TRPM3: variants seen among roughly 807,000 people sequenced by gnomAD.
The protein encoded by TRPM3 is transient receptor potential cation channel subfamily M member 3, also known as long transient receptor potential channel 3.
In TRPM3, 77 loss-of-function variants were observed where a neutral mutation model predicts 181.2. The observed-to-expected ratio is 0.42, with a 90% CI of 0.35 to 0.51. The LOEUF is 0.51. Among genes scored for constraint, TRPM3 ranks in the 20% least tolerant of loss-of-function variants. The pLI is 0.01. For synonymous variants in TRPM3, 745 were observed against 796.4 expected (o/e 0.94, Z 1.09); for missense variants, 1,759 against 2,196.7 (o/e 0.80, Z 3.98).
Position 71,336,367 on chromosome 9 carries a change from A to G in TRPM3, c.183+110286T>C, listed in dbSNP as rs138552635. 9.6e-4 allele frequency among the ~76,000 whole-genome samples: 146 copies of G among 152,252 alleles called. 1 individual carries two copies. The highest frequency in any genetic ancestry group is 6.0e-3 in the South Asian group (29 of 4,824). ...CCCATTCACAATTGCTACAAACAGA[A>G]TAAAATACCTAGGAATCCAACTTAC... On this transcript the variant is annotated intron_variant, in intron 1 of 24. Transcript: ENST00000357533.
intron 8 of TRPM3, among the ~76,000 whole-genome samples, chr9:70,699,900 A>G (rs975826800): frequency 1.3e-5 from 2 of 152,154 alleles, no homozygotes; most frequent in Admixed American, 1.3e-4. Context: ...ACTTACAAGA[A>G]TAAAGGGCAG....
At chr9:71,026,694 C>G (rs746270272) in intron 1 of TRPM3, among the ~76,000 whole-genome samples, 8 of 152,160 alleles carry the variant, frequency 5.3e-5, no homozygotes, top group African/African-American at 9.6e-5. Context: ...GTGCTCTGCC[C>G]CTGTGCTGAC....
At chr9:71,386,451 A>AT (rs201969419) in intron 1 of TRPM3, among the ~76,000 whole-genome samples, 2 of 142,872 alleles carry the variant, frequency 1.4e-5, no homozygotes. Flanking sequence ...CTGTCTTTTG[A>AT]AAAAAAAAAA....
intron 6 of TRPM3, among the ~76,000 whole-genome samples, chr9:70,815,663 T>C (rs899780622): frequency 6.6e-6 from 1 of 152,232 alleles, no homozygotes; most frequent in Admixed American, 6.5e-5. Flanking sequence ...CCTATAAGGA[T>C]TTTAATATTT....
chr9:70,822,256 C>G (rs751559516), intron 6 of TRPM3, among the ~76,000 whole-genome samples: 12 of 152,182 alleles, frequency 7.9e-5, no homozygotes, highest in Non-Finnish European at 1.5e-4. Flanking sequence ...TACAAATTCC[C>G]TAGAGACTAG....
At chr9:71,239,666 T>C (rs191172842) in intron 1 of TRPM3, among the ~76,000 whole-genome samples, 24 of 152,214 alleles carry the variant, frequency 1.6e-4, no homozygotes, top group Admixed American at 1.6e-3. Context: ...CATAACTCAA[T>C]AGAAAATGCA....
At chr9:70,546,214 G>T (rs2044836657) in intron 25 of TRPM3, among the ~76,000 whole-genome samples, 2 of 152,146 alleles carry the variant, frequency 1.3e-5, no homozygotes, top group Admixed American at 1.3e-4. Flanking sequence ...GCTGTCCATT[G>T]GTTTTCATCA....
chr9:70,653,422 C>T (rs970298619), intron 9 of TRPM3, among the ~76,000 whole-genome samples: 6 of 151,792 alleles, frequency 4.0e-5, no homozygotes, highest in African/African-American at 1.5e-4. Context: ...AAGCATGTCA[C>T]GGCCCTAGTG....
chr9:70,767,646 T>C (rs1430290902), intron 7 of TRPM3, among the ~76,000 whole-genome samples: 2 of 152,098 alleles, frequency 1.3e-5, no homozygotes, highest in Admixed American at 6.6e-5. Context: ...TGTGGCCATA[T>C]GTTTGGGGCC....
chr9:70,864,450 C>G lies in TRPM3; in HGVS notation c.239G>C (p.Ser80Thr). The G allele has an allele frequency of 6.8e-7, 1 of 1,478,188 alleles. No homozygotes were observed. Among genetic ancestry groups the G allele is most frequent in the South Asian group, 1.6e-5 (1 of 64,394 alleles). The allele number at this position is 1,478,188 out of a possible 1,614,324, so 91.6% of individuals were successfully genotyped here. The change falls in exon 2 of 26, where the codon AGC (serine) becomes ACC (threonine). Residue 80 changes from serine to threonine, a missense_variant. By Grantham distance (58) the Ser-to-Thr change is moderately conservative. This residue lies in a region of TRPM3 where 737 missense variants were observed against 957.4 expected (regional missense o/e 0.77). Coordinates refer to ENST00000677713, the MANE Select transcript of TRPM3 (RefSeq NM_001366145.2). ...AGATTACCTATGGGGGTCTTTGGTG[C>G]TGGGTATGATGTGGACACATTCTCT... ...YKRECVHIIP[S>T]TKDPHRCCCG...
At chr9:70,576,508 CTTTT>C (rs897195308) in intron 22 of TRPM3, among the ~76,000 whole-genome samples, 1 of 138,902 alleles carries the variant, frequency 7.2e-6, no homozygotes, top group Admixed American at 7.2e-5. Flanking sequence ...CCTCCTTCTT[CTTTT>C]TTTTTTTTTT....
At chr9:71,408,631 G>C (rs960776883) in intron 1 of TRPM3, among the ~76,000 whole-genome samples, 1 of 152,206 alleles carries the variant, frequency 6.6e-6, no homozygotes, top group Non-Finnish European at 1.5e-5. Flanking sequence ...CGTTTGATTG[G>C]TGTACCTGAA....
intron 5 of TRPM3, among the ~76,000 whole-genome samples, chr9:70,832,429 A>G (rs971509408): frequency 1.3e-5 from 2 of 152,174 alleles, no homozygotes; most frequent in African/African-American, 4.8e-5. Flanking sequence ...TTGTCCCTTA[A>G]GAGTAAATGA....
At chr9:71,082,104 A>G (rs2133769724) in intron 1 of TRPM3, among the ~76,000 whole-genome samples, 1 of 147,664 alleles carries the variant, frequency 6.8e-6, no homozygotes, top group African/African-American at 2.4e-5. Context: ...TTTTTAAAAT[A>G]TCAATTTAGT....
intron 6 of TRPM3, among the ~76,000 whole-genome samples, chr9:70,786,310 C>CCAAAAAAA (rs2083576427): frequency 3.6e-5 from 1 of 27,618 alleles, no homozygotes; most frequent in Non-Finnish European, 8.5e-5. Flanking sequence ...ACTAAAAATA[C>CCAAAAAAA]CAAAAAAAAA....
At chr9:71,431,841 C>T (rs1177024544) in intron 1 of TRPM3, among the ~76,000 whole-genome samples, 3 of 152,130 alleles carry the variant, frequency 2.0e-5, no homozygotes, top group Non-Finnish European at 4.4e-5. Context: ...TCATTTTTCT[C>T]TCTTACTTCA....
At chr9:71,412,188 G>T (rs2093562989) in intron 1 of TRPM3, among the ~76,000 whole-genome samples, 1 of 152,136 alleles carries the variant, frequency 6.6e-6, no homozygotes, top group South Asian at 2.1e-4. Context: ...ATAGGAATGG[G>T]CAAGGACTTC....
Position 70,532,947 on chromosome 9 carries a change from G to GA in TRPM3, c.*3005dup, listed in dbSNP as rs2041091276. 1 of 152,164 alleles carries GA rather than the reference G, an allele frequency of 6.6e-6. No homozygotes were observed. The highest frequency in any genetic ancestry group is 2.4e-5 in the African/African-American group (1 of 41,432). The allele number at this position is 152,164 out of a possible 1,614,324, so 9.4% of individuals were successfully genotyped here. A position where few individuals can be genotyped will look rare whatever the true frequency, so the allele number is the denominator to read the frequency against. Reference sequence around the variant, plus strand: ...ACCCAGAAATGGAAGGAAATGGACTGAAAAATAACACACATACATGTGCAC... The same window carrying GA: ...ACCCAGAAATGGAAGGAAATGGACTGAAAAAATAACACACATACATGTGCAC... On this transcript the variant is annotated 3_prime_UTR_variant, in exon 26 of 26. Coordinates refer to ENST00000677713, the MANE Select transcript of TRPM3 (RefSeq NM_001366145.2).
chr9:70,668,668 A>G (rs866630083), intron 9 of TRPM3, among the ~76,000 whole-genome samples: 187 of 144,618 alleles, frequency 1.3e-3, no homozygotes, highest in African/African-American at 4.5e-3. Context: ...CCGTCTCAAA[A>G]AAAGAAAAAA....
Sources: allele counts gnomAD v4.1 joint callset (sites outside exome capture counted in the v4.1 genomes callset), GRCh38; gene constraint gnomAD v4.1.1; regional missense constraint gnomAD v4.1.1; transcripts MANE v1.5; gene names NCBI Gene and HGNC (gene_info 2026-07-23, HGNC 2026-07-21).